The following STAU2 variants were observed in gnomAD, a reference collection of about 807,000 sequenced individuals.
STAU2 encodes the protein staufen double-stranded RNA binding protein 2.
Under a neutral mutation model 65.9 loss-of-function variants are expected in STAU2, and 20 were observed. The observed-to-expected ratio is 0.30, with a 90% CI of 0.21 to 0.44. The LOEUF is 0.44. Among genes scored for constraint, STAU2 ranks in the 20% least tolerant of loss-of-function variants. The pLI, the probability that STAU2 is intolerant of heterozygous loss-of-function variation, is 1.00. For missense variants in STAU2, 558 were observed against 683.9 expected (o/e 0.82, Z 2.05); for synonymous variants, 232 against 233.9 (o/e 0.99, Z 0.07).
intron 13 of STAU2, among the ~76,000 whole-genome samples, chr8:73,464,600 GCA>G (rs770126004): frequency 3.3e-3 from 340 of 101,686 alleles, no homozygotes; most frequent in Middle Eastern, 9.1e-3. Flanking sequence ...GTGTGCACGC[GCA>G]CACACACACA....
chr8:73,693,088 G>A (rs1819452035), intron 4 of STAU2, among the ~76,000 whole-genome samples: 1 of 152,106 alleles, frequency 6.6e-6, no homozygotes, highest in East Asian at 1.9e-4. Context: ...TTGAGCCCAG[G>A]AGATGAACGC....
At chr8:73,741,323 A>G (rs1806861540) in intron 1 of STAU2, among the ~76,000 whole-genome samples, 1 of 151,342 alleles carries the variant, frequency 6.6e-6, no homozygotes, top group African/African-American at 2.4e-5. Flanking sequence ...AAAAATTAAC[A>G]TTATTAAGCA....
chr8:73,623,471 G>T (rs887434570), intron 6 of STAU2, among the ~76,000 whole-genome samples: 10 of 152,034 alleles, frequency 6.6e-5, no homozygotes, highest in African/African-American at 2.2e-4. Context: ...CTCCCCTACA[G>T]ACTTACATCT....
At chr8:73,626,989 G>C (rs1280569356) in intron 6 of STAU2, among the ~76,000 whole-genome samples, 1 of 151,942 alleles carries the variant, frequency 6.6e-6, no homozygotes, top group African/African-American at 2.4e-5. Flanking sequence ...GAAGCAGTAA[G>C]ATGTGCCTCC....
chr8:73,591,722 T>C (rs1006196292), intron 11 of STAU2, among the ~76,000 whole-genome samples: 9 of 151,142 alleles, frequency 6.0e-5, no homozygotes, highest in African/African-American at 2.2e-4. Flanking sequence ...CTGTAAGAAG[T>C]AGAAGTAGGA....
intron 4 of STAU2, among the ~76,000 whole-genome samples, chr8:73,702,231 A>G (rs1820161564): frequency 1.3e-5 from 2 of 152,210 alleles, no homozygotes; most frequent in South Asian, 4.1e-4. Flanking sequence ...AATAACTAAA[A>G]GAGTATAAGT....
At chr8:73,473,533 C>T (rs1820150266) in intron 13 of STAU2, among the ~76,000 whole-genome samples, 1 of 152,186 alleles carries the variant, frequency 6.6e-6, no homozygotes, top group African/African-American at 2.4e-5. Context: ...TTTTTGCAGA[C>T]CTCAGATATA....
rs115210042 is a variant in STAU2 at position 73,551,814 on chromosome 8, C to G, written c.1530+198G>C. ...GAAGAGACAGGCAGCAAAAGAATTA[C>G]TAGATAGATCAAAAATAAGAGAAAA... On this transcript the variant is annotated intron_variant, in intron 13 of 14. Transcript: ENST00000524300. 1.3e-4 allele frequency: 168 copies of G among 1,255,992 alleles called. No individual in the cohort carries two copies. The African/African-American group carries it at 2.4e-3, about 18-fold the overall frequency. 77.8% of individuals were successfully genotyped at this position (1,255,992 alleles called of 1,614,324 possible). A position where few individuals can be genotyped will look rare whatever the true frequency, so the allele number is the denominator to read the frequency against.
At chr8:73,658,798 A>G (rs915848845) in intron 6 of STAU2, among the ~76,000 whole-genome samples, 2 of 152,074 alleles carry the variant, frequency 1.3e-5, no homozygotes, top group African/African-American at 4.8e-5. Flanking sequence ...CTGTAGTCCC[A>G]GCTACTCTGG....
intron 13 of STAU2, among the ~76,000 whole-genome samples, chr8:73,427,809 A>T (rs140953968): frequency 8.6e-4 from 131 of 152,362 alleles, no homozygotes; most frequent in African/African-American, 3.0e-3. Flanking sequence ...TTGTATATTC[A>T]ACAGTTTTAA....
intron 4 of STAU2, among the ~76,000 whole-genome samples, chr8:73,704,449 T>C (rs1820351531): frequency 1.3e-5 from 2 of 152,152 alleles, no homozygotes; most frequent in African/African-American, 2.4e-5. Flanking sequence ...TACATAATAT[T>C]TGGGCTTCTT....
At chr8:73,650,332 ATTT>A (rs1815767199) in intron 6 of STAU2, among the ~76,000 whole-genome samples, 1 of 152,094 alleles carries the variant, frequency 6.6e-6, no homozygotes, top group Admixed American at 6.6e-5. Flanking sequence ...CACAACTATA[ATTT>A]TTTAATAAAA....
chr8:73,601,894 A>C (rs1811654842), intron 10 of STAU2, among the ~76,000 whole-genome samples: 1 of 152,228 alleles, frequency 6.6e-6, no homozygotes, highest in Non-Finnish European at 1.5e-5. Context: ...AAGCTTTGGC[A>C]TTCAAAGTAT....
intron 13 of STAU2, among the ~76,000 whole-genome samples, chr8:73,483,599 A>T (rs1820755257): frequency 6.6e-6 from 1 of 152,150 alleles, no homozygotes; most frequent in Non-Finnish European, 1.5e-5. Context: ...ACATAAAAAC[A>T]TTTGGAACAA....
intron 13 of STAU2, among the ~76,000 whole-genome samples, chr8:73,475,897 A>C (rs898925974): frequency 6.6e-6 from 1 of 152,248 alleles, no homozygotes; most frequent in Non-Finnish European, 1.5e-5. Flanking sequence ...GATTCACAGA[A>C]TTATGAACAA....
At chr8:73,677,030 T>C in intron 5 of STAU2, among the ~76,000 whole-genome samples, 1 of 152,036 alleles carries the variant, frequency 6.6e-6, no homozygotes, top group Middle Eastern at 3.2e-3. Context: ...GTAGAAAAAA[T>C]TTTAAAACAG....
intron 6 of STAU2, among the ~76,000 whole-genome samples, chr8:73,656,537 A>G (rs1230720124): frequency 6.6e-6 from 1 of 152,274 alleles, no homozygotes; most frequent in Non-Finnish European, 1.5e-5. Context: ...ATTATGAATT[A>G]TACCTGCTAT....
At chr8:73,713,632 AC>A (rs891196515) in intron 3 of STAU2, among the ~76,000 whole-genome samples, 15 of 152,136 alleles carry the variant, frequency 9.9e-5, no homozygotes, top group African/African-American at 3.1e-4. Flanking sequence ...AGGAGAAAGC[AC>A]ATAAAACAAC....
chr8:73,697,323 T>G (rs1563513785), intron 4 of STAU2: 2 of 152,216 alleles, frequency 1.3e-5, no homozygotes, highest in Non-Finnish European at 2.9e-5. Flanking sequence ...ATAGTATATC[T>G]GGTGAAAATA....
Sources: allele counts gnomAD v4.1 joint callset (sites outside exome capture counted in the v4.1 genomes callset), GRCh38; gene constraint gnomAD v4.1.1; transcripts MANE v1.5; gene names NCBI Gene and HGNC (gene_info 2026-07-23, HGNC 2026-07-21).